ATP8A2: variants seen among roughly 807,000 people sequenced by gnomAD.
The protein encoded by ATP8A2 is ATPase phospholipid transporting 8A2.
ATP8A2 carries 100 observed loss-of-function variants against 165.6 expected under a neutral mutation model. The observed-to-expected ratio is 0.60, with a 90% CI of 0.51 to 0.71. ATP8A2 has a LOEUF of 0.71. ATP8A2 is among the 30% of genes least tolerant of loss of function. The pLI is 0.00. For missense variants in ATP8A2, 1,227 were observed against 1,479.5 expected (o/e 0.83, Z 2.80); for synonymous variants, 543 against 548.8 (o/e 0.99, Z 0.15).
chr13:25,758,520 A>G (rs916509781), intron 25 of ATP8A2, among the ~76,000 whole-genome samples: 2 of 152,136 alleles, frequency 1.3e-5, no homozygotes, highest in Non-Finnish European at 2.9e-5. Flanking sequence ...TTGCAAAATA[A>G]CCTTTACATT....
In ATP8A2 at chr13:25,553,842, A is replaced by G. The variant is rs1378592900; in HGVS notation, c.1107A>G (p.Leu369=). ...ACAACCTACTGACGTTCATCATCTT[A>G]TACAACAATCTTATTCCCATCAGTC... ...FGYNLLTFII[L]YNNLIPISLL... is the part of the protein sequence containing the mutation. Residue 369 remains leucine, a synonymous_variant, in exon 12 of 37, where the codon TTA becomes TTG. Transcript: ENST00000381655. The G allele has an allele frequency of 1.2e-6, 2 of 1,613,398 alleles. No individual in the cohort carries two copies. The highest frequency in any genetic ancestry group is 2.2e-5 in the South Asian group (2 of 91,044).
intron 1 of ATP8A2, among the ~76,000 whole-genome samples, chr13:25,403,123 G>A (rs1178419687): frequency 2.6e-5 from 4 of 152,102 alleles, no homozygotes; most frequent in Admixed American, 2.0e-4. Flanking sequence ...ATTTCAATAC[G>A]AACTGTGGAG....
intron 24 of ATP8A2, among the ~76,000 whole-genome samples, chr13:25,660,297 G>GC (rs2042021494): frequency 6.6e-6 from 1 of 152,066 alleles, no homozygotes; most frequent in Admixed American, 6.6e-5. Flanking sequence ...ATATAAATGG[G>GC]CCCCAAAGTC....
intron 33 of ATP8A2, among the ~76,000 whole-genome samples, chr13:25,920,199 C>T (rs1001037190): frequency 6.6e-6 from 1 of 152,150 alleles, no homozygotes; most frequent in African/African-American, 2.4e-5. Flanking sequence ...CTGTAACTTA[C>T]AGGTTTGGGT....
At chr13:25,484,119 G>A (rs1457661350) in intron 2 of ATP8A2, among the ~76,000 whole-genome samples, 3 of 152,230 alleles carry the variant, frequency 2.0e-5, no homozygotes, top group Non-Finnish European at 4.4e-5. Context: ...ATGTGTTTGA[G>A]AGTGCATGTG....
chr13:25,974,472 G>C (rs1447788295), intron 35 of ATP8A2, among the ~76,000 whole-genome samples: 1 of 152,008 alleles, frequency 6.6e-6, no homozygotes, highest in African/African-American at 2.4e-5. Flanking sequence ...GTTGGATGGG[G>C]GTGTGGTGGG....
At chr13:25,847,618 T>C (rs556696980) in intron 30 of ATP8A2, among the ~76,000 whole-genome samples, 1 of 152,340 alleles carries the variant, frequency 6.6e-6, no homozygotes, top group South Asian at 2.1e-4. Flanking sequence ...CCAGGGAATC[T>C]CAGGGGCTTA....
At chr13:25,879,014 C>G (rs756044722) in intron 33 of ATP8A2, among the ~76,000 whole-genome samples, 12 of 152,176 alleles carry the variant, frequency 7.9e-5, no homozygotes, top group Admixed American at 2.0e-4. Flanking sequence ...GCGATTTGCT[C>G]CCAGAGGGCA....
chr13:25,939,582 T>C (rs1223708248), intron 33 of ATP8A2, among the ~76,000 whole-genome samples: 2 of 152,232 alleles, frequency 1.3e-5, no homozygotes, highest in Non-Finnish European at 2.9e-5. Context: ...TGTGCCAATG[T>C]GGAGACTCCT....
intron 25 of ATP8A2, among the ~76,000 whole-genome samples, chr13:25,708,519 T>C (rs573053971): frequency 2.0e-5 from 3 of 152,312 alleles, no homozygotes; most frequent in Middle Eastern, 3.4e-3. Flanking sequence ...CTTTCCCTCA[T>C]CTGTCACCTC....
intron 24 of ATP8A2, among the ~76,000 whole-genome samples, chr13:25,597,245 A>G (rs1313537095): frequency 6.6e-6 from 1 of 152,194 alleles, no homozygotes; most frequent in Non-Finnish European, 1.5e-5. Flanking sequence ...GTGTTAGGGA[A>G]AATAGACCCT....
At chr13:25,636,212 T>G (rs1336193445) in intron 24 of ATP8A2, among the ~76,000 whole-genome samples, 1 of 152,132 alleles carries the variant, frequency 6.6e-6, no homozygotes, top group African/African-American at 2.4e-5. Context: ...CAACTTAGTG[T>G]CAAATACATT....
At chr13:25,837,423 CCACACACACACACACACACACA>C (rs72194516) in intron 29 of ATP8A2, 138 bp downstream of exon 29, 28 of 311,596 alleles carry the variant, frequency 9.0e-5, no homozygotes, top group Admixed American at 2.4e-4. Context: ...CACCCCACCA[CCACACACACACACACACACACA>C]CACACACACA....
chr13:25,536,092 A>G (rs1364490163), intron 6 of ATP8A2, among the ~76,000 whole-genome samples: 4 of 152,012 alleles, frequency 2.6e-5, no homozygotes, highest in African/African-American at 4.8e-5. Flanking sequence ...TAATTAAACT[A>G]TTCATATGAA....
chr13:25,546,022 G>A (rs574901567), intron 10 of ATP8A2, among the ~76,000 whole-genome samples: 10 of 152,024 alleles, frequency 6.6e-5, no homozygotes, highest in Non-Finnish European at 1.2e-4. Flanking sequence ...TTTTAAGATT[G>A]TGCATATTAT....
chr13:25,978,350 G>A (rs1049635037), intron 35 of ATP8A2, among the ~76,000 whole-genome samples: 3 of 152,090 alleles, frequency 2.0e-5, no homozygotes, highest in Non-Finnish European at 4.4e-5. Context: ...TTTCCCTTCG[G>A]CTTCCCGTTT....
chr13:25,758,801 T>G (rs1306975944), intron 25 of ATP8A2, among the ~76,000 whole-genome samples: 1 of 152,208 alleles, frequency 6.6e-6, no homozygotes, highest in African/African-American at 2.4e-5. Context: ...TTTAAAACAG[T>G]TTTACACATA....
intron 1 of ATP8A2, among the ~76,000 whole-genome samples, chr13:25,386,365 G>T (rs11843414): frequency 0.06 from 9,106 of 152,180 alleles, 780 homozygotes; most frequent in African/African-American, 0.19. Flanking sequence ...TGTAGAGTCC[G>T]ATTAACCAAC....
intron 27 of ATP8A2, among the ~76,000 whole-genome samples, chr13:25,790,060 A>G (rs998632664): frequency 1.3e-5 from 2 of 152,228 alleles, no homozygotes; most frequent in African/African-American, 4.8e-5. Flanking sequence ...CTTACATCAT[A>G]TACAAAAATC....
Sources: allele counts gnomAD v4.1 joint callset (sites outside exome capture counted in the v4.1 genomes callset), GRCh38; gene constraint gnomAD v4.1.1; transcripts MANE v1.5; gene names NCBI Gene and HGNC (gene_info 2026-07-23, HGNC 2026-07-21).